NEK1: variants seen among roughly 807,000 people sequenced by gnomAD.
The protein encoded by NEK1 is NIMA related kinase 1.
NEK1 carries 137 observed loss-of-function variants against 182.1 expected under a neutral mutation model. The ratio of observed to expected loss-of-function variants is 0.75; its 90% confidence interval spans 0.65 to 0.87. The LOEUF is 0.87. Ranked by LOEUF, NEK1 falls within the 40% of genes least tolerant of loss-of-function variation. The probability of loss-of-function intolerance (pLI) is 0.00; values close to 1 mark genes in which losing one functional copy is unlikely to be tolerated. For missense variants in NEK1, 1,391 were observed against 1,494.4 expected (o/e 0.93, Z 1.14); for synonymous variants, 513 against 492.2 (o/e 1.04, Z -0.56).
Position 169,479,529 on chromosome 4 carries a change from C to A in NEK1, c.2013G>T (p.Val671=). The stretch of plus-strand genomic sequence containing the variant: ...CATCAGAACTCTTAACTCCTTTAGC[C>A]ACCAACTATAAAAAAGGATTTTATT... ...REKKVWEEHL[V]AKGVKSSDVS... Residue 671 remains valine, a synonymous_variant, in exon 24 of 36, where the codon GTG becomes GTT. Coordinates refer to ENST00000507142, the MANE Select transcript of NEK1 (RefSeq NM_001199397.3). 6.3e-7 allele frequency: 1 copy of A among 1,593,672 alleles called. No individual in the cohort carries two copies. The highest frequency in any genetic ancestry group is 8.5e-7 in the Non-Finnish European group (1 of 1,173,874).
At chr4:169,591,715 C>A (rs1045496693) in intron 5 of NEK1, among the ~76,000 whole-genome samples, 1 of 151,972 alleles carries the variant, frequency 6.6e-6, no homozygotes. Flanking sequence ...GGTTAATTAT[C>A]TGTAATAATT....
intron 5 of NEK1, among the ~76,000 whole-genome samples, chr4:169,592,187 A>G (rs1267663568): frequency 6.6e-6 from 1 of 152,230 alleles, no homozygotes; most frequent in East Asian, 1.9e-4. Flanking sequence ...TGAAAATTTT[A>G]AATTCACATA....
intron 32 of NEK1, 62 bp from the exon 33 acceptor site, chr4:169,401,922 C>T: frequency 1.5e-6 from 2 of 1,358,822 alleles, no homozygotes; most frequent in Non-Finnish European, 2.0e-6. Flanking sequence ...AGTTAAACAA[C>T]TAAAACTACC....
chr4:169,588,985 T>C (rs189601167), intron 7 of NEK1, among the ~76,000 whole-genome samples: 49 of 152,300 alleles, frequency 3.2e-4, no homozygotes, highest in Admixed American at 1.2e-3. Flanking sequence ...TACAGAAATG[T>C]GCTAGGTCTT....
intron 31 of NEK1, among the ~76,000 whole-genome samples, chr4:169,417,505 T>C (rs1037403337): frequency 3.9e-5 from 6 of 152,142 alleles, no homozygotes; most frequent in Non-Finnish European, 8.8e-5. Context: ...GACTAGTAGA[T>C]TGATGAAATA....
chr4:169,550,451 G>A (rs1761254913), intron 18 of NEK1, among the ~76,000 whole-genome samples: 1 of 152,180 alleles, frequency 6.6e-6, no homozygotes, highest in Admixed American at 6.5e-5. Flanking sequence ...GAACCAAACT[G>A]TCCAGCTTCA....
intron 23 of NEK1, among the ~76,000 whole-genome samples, chr4:169,489,441 G>C (rs1438795351): frequency 6.6e-6 from 1 of 152,182 alleles, no homozygotes; most frequent in Non-Finnish European, 1.5e-5. Context: ...ACTTAAGAAT[G>C]TCAGAGAATA....
chr4:169,598,739 T>C (rs1769977967), intron 5 of NEK1, among the ~76,000 whole-genome samples: 1 of 152,232 alleles, frequency 6.6e-6, no homozygotes, highest in Non-Finnish European at 1.5e-5. Flanking sequence ...GCAAGGCTTC[T>C]AGAGCTGGAG....
chr4:169,462,897 T>C (rs574325480), intron 27 of NEK1, among the ~76,000 whole-genome samples: 152 of 152,234 alleles, frequency 1.0e-3, no homozygotes, highest in African/African-American at 3.6e-3. Context: ...TAAAATACCT[T>C]TTAGTCAATC....
chr4:169,469,745 G>A (rs893938550), intron 26 of NEK1, among the ~76,000 whole-genome samples: 17 of 152,064 alleles, frequency 1.1e-4, no homozygotes, highest in African/African-American at 3.6e-4. Context: ...ATTATTATGT[G>A]GGAGTCTAAG....
chr4:169,400,074 T>C (rs1731391219), intron 35 of NEK1, 151 bp downstream of exon 35: 1 of 791,246 alleles, frequency 1.3e-6, no homozygotes, highest in East Asian at 2.7e-5. Context: ...TAAAAGTACA[T>C]GACAAAGTTA....
chr4:169,608,495 A>G (rs915899556), intron 2 of NEK1, among the ~76,000 whole-genome samples: 1 of 152,208 alleles, frequency 6.6e-6, no homozygotes, highest in Non-Finnish European at 1.5e-5. Context: ...AAAATAAAAC[A>G]TGGGAGAATG....
At chr4:169,400,379 AAATT>A (rs757235763) in intron 34 of NEK1, 22 bp from the exon 35 acceptor site, 12 of 1,447,488 alleles carry the variant, frequency 8.3e-6, no homozygotes, top group African/African-American at 5.8e-5. Flanking sequence ...TCCCAAATAT[AAATT>A]AATATTTGAA....
At chr4:169,451,174 C>A (rs552166602) in intron 27 of NEK1, among the ~76,000 whole-genome samples, 1 of 152,286 alleles carries the variant, frequency 6.6e-6, no homozygotes, top group African/African-American at 2.4e-5. Context: ...TAGACTCCCA[C>A]ACAATAATAA....
intron 10 of NEK1, among the ~76,000 whole-genome samples, chr4:169,581,701 T>C (rs1304390253): frequency 6.6e-6 from 1 of 152,152 alleles, no homozygotes; most frequent in Admixed American, 6.5e-5. Context: ...TTAACACAAC[T>C]ACCTATCTGG....
chr4:169,448,964 T>A (rs1741153602), intron 27 of NEK1, among the ~76,000 whole-genome samples: 1 of 152,248 alleles, frequency 6.6e-6, no homozygotes, highest in Non-Finnish European at 1.5e-5. Flanking sequence ...ATACTGTGCT[T>A]TTCCCAAGGT....
intron 23 of NEK1, among the ~76,000 whole-genome samples, chr4:169,485,226 G>A (rs1325304610): frequency 6.6e-6 from 1 of 152,090 alleles, no homozygotes; most frequent in African/African-American, 2.4e-5. Flanking sequence ...CAGATTAGAA[G>A]AACCTAAACA....
intron 2 of NEK1, among the ~76,000 whole-genome samples, chr4:169,610,143 A>G (rs530409695): frequency 8.4e-4 from 127 of 152,000 alleles, no homozygotes; most frequent in Non-Finnish European, 1.7e-3. Flanking sequence ...CTGGGATTAC[A>G]GGAGTGTGAC....
chr4:169,398,633 T>G (rs1227149521), intron 35 of NEK1, among the ~76,000 whole-genome samples: 1 of 152,216 alleles, frequency 6.6e-6, no homozygotes, highest in Non-Finnish European at 1.5e-5. Context: ...TCTTCATTCC[T>G]GGCTTCATGT....
Sources: gnomAD v4.1 joint callset for allele counts (sites outside exome capture counted in the v4.1 genomes callset) on GRCh38, gnomAD v4.1.1 for gene constraint, MANE v1.5 for transcripts, NCBI Gene and HGNC (gene_info 2026-07-23, HGNC 2026-07-21) for gene names.